Variants in TMPRSS4 observed in about 807,000 individuals in gnomAD.
TMPRSS4 encodes transmembrane protease serine 4.
TMPRSS4 carries 45 observed loss-of-function variants against 56.4 expected under a neutral mutation model. The observed-to-expected ratio is 0.80, with a 90% CI of 0.63 to 1.02. The LOEUF (loss-of-function observed/expected upper bound fraction) is 1.02, where lower values mean the gene tolerates loss of function less well. Ranked by LOEUF, TMPRSS4 falls within the 50% of genes least tolerant of loss-of-function variation. The probability of loss-of-function intolerance (pLI) is 0.00; values close to 1 mark genes in which losing one functional copy is unlikely to be tolerated. For missense variants in TMPRSS4, 546 were observed against 556.7 expected (o/e 0.98, Z 0.19); for synonymous variants, 205 against 211.0 (o/e 0.97, Z 0.25).
intron 8 of TMPRSS4, 67 bp from the exon 9 acceptor site, chr11:118,113,202 G>A (rs1487903378): frequency 1.3e-5 from 20 of 1,524,492 alleles, no homozygotes; most frequent in Non-Finnish European, 1.8e-5. Flanking sequence ...GGGCCCTGGG[G>A]ACCCAGCCTT....
chr11:118,115,378 C>A, intron 11 of TMPRSS4, 98 bp downstream of exon 11: 14 of 1,426,316 alleles, frequency 9.8e-6, no homozygotes, highest in Non-Finnish European at 1.3e-5. Context: ...GGAAGCCTTG[C>A]ATATCATGGG....
intron 1 of TMPRSS4, among the ~76,000 whole-genome samples, chr11:118,083,366 A>G (rs657118): frequency 0.51 from 76,925 of 151,882 alleles, 20,063 homozygotes; most frequent in East Asian, 0.83. Flanking sequence ...GAGAGTTCAC[A>G]CAGGTCACAC....
Position 118,118,391 on chromosome 11 carries a change from C to CAA in TMPRSS4, c.*478_*479insAA. On this transcript the variant is annotated 3_prime_UTR_variant, in exon 13 of 13. Transcript: ENST00000437212. Reference sequence around the variant, plus strand: ...CCTACTGTTGGTATGACTACCGTTACCTACTGTTGTCATTGTTATTACAGC... The same window carrying CAA: ...CCTACTGTTGGTATGACTACCGTTACAACTACTGTTGTCATTGTTATTACAGC... The CAA allele has an allele frequency of 1.0e-6, 1 of 998,378 alleles. No homozygotes were observed. The highest frequency in any genetic ancestry group is 1.2e-6 in the Non-Finnish European group (1 of 838,872). 61.8% of individuals were successfully genotyped at this position (998,378 alleles called of 1,614,324 possible). A position where few individuals can be genotyped will look rare whatever the true frequency, so the allele number is the denominator to read the frequency against.
chr11:118,117,741 A>T, intron 12 of TMPRSS4, 161 bp from the exon 13 acceptor site: 2 of 985,480 alleles, frequency 2.0e-6, no homozygotes, highest in Non-Finnish European at 2.4e-6. Flanking sequence ...GAAGATTCTG[A>T]TAAGGAAGAG....
chr11:118,077,347 G>T (rs751936179), intron 1 of TMPRSS4, 42 bp downstream of exon 1: 2 of 1,574,932 alleles, frequency 1.3e-6, no homozygotes, highest in African/African-American at 1.4e-5. Flanking sequence ...AGGAAGGGTG[G>T]GTCTCCCCAT....
At chr11:118,117,553 T>G in intron 12 of TMPRSS4, 99 bp downstream of exon 12, 1 of 1,511,504 alleles carries the variant, frequency 6.6e-7, no homozygotes, top group Non-Finnish European at 8.9e-7. Context: ...TTCTGACAAC[T>G]CTTTACATCC....
At chr11:118,082,922 T>C (rs1945264897) in intron 1 of TMPRSS4, among the ~76,000 whole-genome samples, 1 of 152,208 alleles carries the variant, frequency 6.6e-6, no homozygotes, top group South Asian at 2.1e-4. Flanking sequence ...CAAGCGTACT[T>C]TGACCTCAGA....
downstream of TMPRSS4, chr11:118,125,262 C>T: frequency 2.2e-6 from 1 of 456,638 alleles, no homozygotes; most frequent in Non-Finnish European, 4.4e-6. Context: ...CAGGAAGGAG[C>T]CAGCAGATAA....
chr11:118,081,387 C>T (rs1426500887), intron 1 of TMPRSS4, among the ~76,000 whole-genome samples: 1 of 152,194 alleles, frequency 6.6e-6, no homozygotes, highest in East Asian at 1.9e-4. Flanking sequence ...TCTAACGCCA[C>T]CTCCCAGCCT....
At chr11:118,107,196 A>T (rs959957594) in intron 5 of TMPRSS4, 4 of 152,214 alleles carry the variant, frequency 2.6e-5, no homozygotes, top group African/African-American at 9.7e-5. Flanking sequence ...ATTAGCAGGG[A>T]GAAAGAGGGA....
chr11:118,104,749 G>A lies in TMPRSS4; in HGVS notation c.369G>A (p.Trp123Ter), dbSNP rs1429112507. ...LQVLDSATGN[W>*]FSACFDNFTE... ...TGCTGGACTCGGCCACAGGGAACTG[G>A]TTCTCTGCCTGTTTCGACAACTTCA... is the stretch of plus-strand genomic sequence containing the variant. Residue 123 changes from tryptophan (W) to a stop codon, truncating the protein, a stop_gained, in exon 5 of 13, where the codon TGG becomes TGA. Transcript: ENST00000437212. LOFTEE classifies it high-confidence loss of function. 4 of 1,614,048 alleles carry A rather than the reference G, an allele frequency of 2.5e-6. No individual in the cohort carries two copies. Among genetic ancestry groups the A allele is most frequent in the Non-Finnish European group, 3.4e-6 (4 of 1,180,030 alleles).
intron 4 of TMPRSS4, among the ~76,000 whole-genome samples, chr11:118,104,175 T>G (rs1013111026): frequency 5.9e-5 from 9 of 152,200 alleles, no homozygotes. Context: ...TATTTGCTCT[T>G]TCTTTATCAG....
At chr11:118,113,490 C>G (rs1027352371) in intron 9 of TMPRSS4, 55 bp downstream of exon 9, 1 of 1,591,090 alleles carries the variant, frequency 6.3e-7, no homozygotes, top group Non-Finnish European at 8.6e-7. Context: ...TTCACGCCCA[C>G]TCTGCTATTA....
At chr11:118,081,796 C>T (rs1258318122) in intron 1 of TMPRSS4, among the ~76,000 whole-genome samples, 1 of 152,120 alleles carries the variant, frequency 6.6e-6, no homozygotes, top group Non-Finnish European at 1.5e-5. Flanking sequence ...TGAGCATCTA[C>T]TATGTGCTAG....
intron 1 of TMPRSS4, among the ~76,000 whole-genome samples, chr11:118,093,226 C>A (rs7114679): frequency 0.63 from 95,320 of 151,842 alleles, 30,258 homozygotes; most frequent in African/African-American, 0.73. Flanking sequence ...GTGGAGCAAG[C>A]AACACCCAGG....
At chr11:118,090,963 T>C (rs1194712435) in intron 1 of TMPRSS4, among the ~76,000 whole-genome samples, 2 of 152,164 alleles carry the variant, frequency 1.3e-5, no homozygotes, top group South Asian at 2.1e-4. Context: ...CAAAGTTGTA[T>C]AGTCAATATT....
chr11:118,085,883 G>A (rs535853929), intron 1 of TMPRSS4, among the ~76,000 whole-genome samples: 1 of 152,316 alleles, frequency 6.6e-6, no homozygotes, highest in Admixed American at 6.5e-5. Context: ...CACCACTCTG[G>A]AACAGAGGGA....
Position 118,112,447 on chromosome 11 carries a change from CA to C in TMPRSS4, c.743+548del, listed in dbSNP as rs1947324634. On this transcript the variant is annotated intron_variant, in intron 8 of 12. Transcript: ENST00000437212. ...TTGCTCTGTTGCTTAGGCTGGAGCG[CA>C]GCAGCATGATCTTGGCTCACTGCAA... Among the ~76,000 whole-genome samples, 9 of 127,228 alleles carry C rather than the reference CA, an allele frequency of 7.1e-5. 1 individual carries two copies. The South Asian group carries it at 2.5e-3, about 35-fold the overall frequency. The allele number at this position is 127,228 out of a possible 152,430, so 83.5% of individuals were successfully genotyped here. A position where few individuals can be genotyped will look rare whatever the true frequency, so the allele number is the denominator to read the frequency against.
At chr11:118,097,179 G>A (rs1188133001) in intron 2 of TMPRSS4, among the ~76,000 whole-genome samples, 1 of 151,556 alleles carries the variant, frequency 6.6e-6, no homozygotes, top group Non-Finnish European at 1.5e-5. Flanking sequence ...CTAGGCACCA[G>A]GGACTTAGCA....
Sources: allele counts gnomAD v4.1 joint callset (sites outside exome capture counted in the v4.1 genomes callset), GRCh38; gene constraint gnomAD v4.1.1; transcripts MANE v1.5; gene names NCBI Gene and HGNC (gene_info 2026-07-23, HGNC 2026-07-21).